Variants in PDE4D observed in about 807,000 individuals in gnomAD.
PDE4D encodes the protein 3',5'-cyclic-AMP phosphodiesterase 4D.
Under a neutral mutation model 87.4 loss-of-function variants are expected in PDE4D, and 24 were observed. That is an observed-to-expected ratio of 0.27 (90% CI 0.20 to 0.39). The LOEUF (loss-of-function observed/expected upper bound fraction) is 0.39, where lower values mean the gene tolerates loss of function less well. Among genes scored for constraint, PDE4D ranks in the 10% least tolerant of loss-of-function variants. The probability of loss-of-function intolerance (pLI) is 1.00; values close to 1 mark genes in which losing one functional copy is unlikely to be tolerated. For synonymous variants in PDE4D, 384 were observed against 383.2 expected, an observed-to-expected ratio of 1.00 and a Z score of -0.02; for missense variants, 714 against 1,041.0, an observed-to-expected ratio of 0.69 and a Z score of 4.32.
At chr5:59,684,877 C>G (rs1749599922) in intron 1 of PDE4D, among the ~76,000 whole-genome samples, 1 of 152,194 alleles carries the variant, frequency 6.6e-6, no homozygotes, top group Non-Finnish European at 1.5e-5. Context: ...CAAGGATGCT[C>G]TCACCAATTC....
intron 1 of PDE4D, among the ~76,000 whole-genome samples, chr5:60,280,948 G>T (rs554341757): frequency 4.6e-4 from 70 of 152,198 alleles, no homozygotes; most frequent in Non-Finnish European, 8.7e-4. Flanking sequence ...AGGACATTAA[G>T]TTCACCATTA....
intron 1 of PDE4D, among the ~76,000 whole-genome samples, chr5:59,885,870 A>G (rs1451304873): frequency 2.0e-5 from 3 of 152,174 alleles, no homozygotes; most frequent in Non-Finnish European, 2.9e-5. Flanking sequence ...GTTTCATTAC[A>G]TTACAATAAA....
At chr5:60,083,899 T>C (rs1472333995) in intron 2 of PDE4D, among the ~76,000 whole-genome samples, 1 of 152,234 alleles carries the variant, frequency 6.6e-6, no homozygotes, top group African/African-American at 2.4e-5. Context: ...GACTTTACCA[T>C]TTGTCAAGGT....
At chr5:60,092,066 A>G (rs1267694375) in intron 2 of PDE4D, among the ~76,000 whole-genome samples, 5 of 146,764 alleles carry the variant, frequency 3.4e-5, no homozygotes, top group African/African-American at 7.4e-5. Flanking sequence ...AAAAAAAAAA[A>G]AAAAAAAAAA....
rs185848088 is a variant in PDE4D at position 59,348,243 on chromosome 5, T to A, written c.456-132275A>T. Among the ~76,000 whole-genome samples the A allele has an allele frequency of 9.1e-4, 139 of 152,314 alleles. 1 individual carries two copies. Among genetic ancestry groups the A allele is most frequent in the Admixed American group, 3.1e-3 (48 of 15,296 alleles). On this transcript the variant is annotated intron_variant, in intron 1 of 14. Transcript: ENST00000340635. The stretch of plus-strand genomic sequence containing the variant: ...GTATTCAAAACTCATAACTTCTGAA[T>A]GATTTGGCTACATTTTGTATTATTA...
In PDE4D at chr5:60,183,207, C is replaced by T. The variant is rs184897591; in HGVS notation, c.42+2350G>A. On this transcript the variant is annotated intron_variant, in intron 2 of 16. Coordinates refer to the PDE4D transcript ENST00000502484. ...GGTTGGCATTTTGATCTTGAACTTC[C>T]CAGCCTGCAGAATTGTGATAAAATA... Among the ~76,000 whole-genome samples, 7 of 152,274 alleles carry T rather than the reference C, an allele frequency of 4.6e-5. No homozygotes were observed. In the East Asian group the frequency reaches 1.4e-3, roughly 29 times the overall value.
At chr5:59,874,678 C>T (rs1025130138) in intron 1 of PDE4D, among the ~76,000 whole-genome samples, 11 of 152,270 alleles carry the variant, frequency 7.2e-5, no homozygotes, top group East Asian at 1.9e-4. Context: ...ATATTTGCTT[C>T]GGAACTGGGT....
At chr5:59,063,663 T>C (rs1226238996) in intron 5 of PDE4D, among the ~76,000 whole-genome samples, 2 of 152,152 alleles carry the variant, frequency 1.3e-5, no homozygotes, top group Non-Finnish European at 2.9e-5. Flanking sequence ...TGGATATACG[T>C]GATCAAAAAT....
Position 60,228,650 on chromosome 5 carries a change from G to T in PDE4D, c.-89-42963C>A, listed in dbSNP as rs553060854. Reference sequence around the variant, plus strand: ...AATTCTGGGTTTAAGGATTAAGAAGGCCTGGAAATTTTTATTTTTGTATTT... The same window carrying T: ...AATTCTGGGTTTAAGGATTAAGAAGTCCTGGAAATTTTTATTTTTGTATTT... On this transcript the variant is annotated intron_variant, in intron 1 of 16. Transcript: ENST00000502484. Among the ~76,000 whole-genome samples, 16 of 152,022 alleles carry T rather than the reference G, an allele frequency of 1.1e-4. No individual in the cohort carries two copies. The South Asian group carries it at 1.9e-3, about 18-fold the overall frequency.
chr5:59,840,349 T>C (rs1742798507), intron 1 of PDE4D, among the ~76,000 whole-genome samples: 1 of 151,874 alleles, frequency 6.6e-6, no homozygotes, highest in Non-Finnish European at 1.5e-5. Context: ...TGTGTGTGTG[T>C]GTGTGTAACG....
chr5:60,330,379 T>C (rs1757214872), intron 1 of PDE4D, among the ~76,000 whole-genome samples: 1 of 152,156 alleles, frequency 6.6e-6, no homozygotes, highest in South Asian at 2.1e-4. Context: ...CAATTAAGTG[T>C]ACAAATGGGA....
At chr5:59,876,447 C>T (rs897548730) in intron 1 of PDE4D, among the ~76,000 whole-genome samples, 2 of 152,140 alleles carry the variant, frequency 1.3e-5, no homozygotes, top group African/African-American at 4.8e-5. Flanking sequence ...GAGTACATAC[C>T]TTAAGATTTC....
At chr5:59,717,877 G>T (rs1391137306) in intron 1 of PDE4D, among the ~76,000 whole-genome samples, 2 of 152,164 alleles carry the variant, frequency 1.3e-5, no homozygotes, top group Admixed American at 6.5e-5. Flanking sequence ...TCCCCATTTT[G>T]CAGATGAGGG....
intron 1 of PDE4D, among the ~76,000 whole-genome samples, chr5:60,472,300 T>C (rs945595848): frequency 6.6e-6 from 1 of 152,124 alleles, no homozygotes; most frequent in Non-Finnish European, 1.5e-5. Flanking sequence ...CCAACTTAGG[T>C]CATTTTTCCC....
At chr5:59,296,782 C>T (rs1477710211) in intron 1 of PDE4D, among the ~76,000 whole-genome samples, 1 of 152,014 alleles carries the variant, frequency 6.6e-6, no homozygotes, top group Non-Finnish European at 1.5e-5. Context: ...AACACACACA[C>T]ACACACACAC....
chr5:59,090,688 A>T (rs796268171), intron 5 of PDE4D, among the ~76,000 whole-genome samples: 1 of 152,214 alleles, frequency 6.6e-6, no homozygotes, highest in African/African-American at 2.4e-5. Flanking sequence ...AGCAACAACA[A>T]CAACAAGACG....
rs921376178 is a variant in PDE4D, at chr5:59,461,244, T to C, written c.456-245276A>G. Among the ~76,000 whole-genome samples the C allele has an allele frequency of 1.3e-5, 2 of 152,138 alleles. 1 individual carries two copies. Among genetic ancestry groups the C allele is most frequent in the East Asian group, 3.8e-4 (2 of 5,198 alleles). ...CCATTTTAGTAAAAAAGATTATATA[T>C]ATTTACATGTATCAAAAATCTAAAT... On this transcript the variant is annotated intron_variant, in intron 1 of 14. Transcript: ENST00000340635.
intron 1 of PDE4D, among the ~76,000 whole-genome samples, chr5:59,360,684 A>C (rs1782062290): frequency 6.6e-6 from 1 of 152,182 alleles, no homozygotes; most frequent in African/African-American, 2.4e-5. Context: ...TTTTCTTTGA[A>C]TTGCTTTCAA....
At chr5:59,699,572 T>A (rs59025824) in intron 1 of PDE4D, among the ~76,000 whole-genome samples, 11,451 of 152,040 alleles carry the variant, frequency 0.075, 1,358 homozygotes, top group African/African-American at 0.25. Flanking sequence ...GACCTGAGTG[T>A]CCAAGAAGTG....
Sources: gnomAD v4.1 joint callset for allele counts (sites outside exome capture counted in the v4.1 genomes callset) on GRCh38, gnomAD v4.1.1 for gene constraint, MANE v1.5 for transcripts, NCBI Gene and HGNC (gene_info 2026-07-23, HGNC 2026-07-21) for gene names.